Variants in TAF2 observed in about 807,000 individuals in gnomAD.
The protein encoded by TAF2 is TATA-box binding protein associated factor 2.
In TAF2, 61 loss-of-function variants were observed where a neutral mutation model predicts 138.5. That is an observed-to-expected ratio of 0.44 (90% CI 0.36 to 0.54). TAF2 has a LOEUF of 0.54. Among genes scored for constraint, TAF2 ranks in the 20% least tolerant of loss-of-function variants. The pLI, the probability that TAF2 is intolerant of heterozygous loss-of-function variation, is 0.00. For missense variants in TAF2, 1,090 were observed against 1,427.9 expected (o/e 0.76, Z 3.81); for synonymous variants, 475 against 469.9 (o/e 1.01, Z -0.14).
intron 4 of TAF2, among the ~76,000 whole-genome samples, chr8:119,804,826 T>C (rs187276972): frequency 1.3e-5 from 2 of 152,242 alleles, no homozygotes; most frequent in Non-Finnish European, 2.9e-5. Context: ...GGATGAGAGG[T>C]AGAGTAGGGA....
chr8:119,738,192 G>C (rs1819361869), intron 25 of TAF2, among the ~76,000 whole-genome samples: 1 of 150,606 alleles, frequency 6.6e-6, no homozygotes, highest in Non-Finnish European at 1.5e-5. Context: ...TGTATGTTTT[G>C]CTTATTATCT....
chr8:119,780,760 C>A (rs1488783840), intron 17 of TAF2, among the ~76,000 whole-genome samples: 1 of 151,788 alleles, frequency 6.6e-6, no homozygotes, highest in African/African-American at 2.4e-5. Context: ...ACGGTGAAAC[C>A]CCATCTCTAC....
At chr8:119,811,785 G>T (rs1357181708) in intron 3 of TAF2, among the ~76,000 whole-genome samples, 1 of 113,758 alleles carries the variant, frequency 8.8e-6, no homozygotes. Flanking sequence ...CAGCTTGGGC[G>T]AAAGAGTGAG....
intron 2 of TAF2, among the ~76,000 whole-genome samples, chr8:119,826,949 T>G (rs975598952): frequency 5.3e-5 from 8 of 152,150 alleles, no homozygotes; most frequent in African/African-American, 1.9e-4. Context: ...TCCTAGCACT[T>G]TGGAAAGCCA....
At chr8:119,749,135 T>C (rs1249545515) in intron 22 of TAF2, among the ~76,000 whole-genome samples, 1 of 152,212 alleles carries the variant, frequency 6.6e-6, no homozygotes, top group Non-Finnish European at 1.5e-5. Flanking sequence ...AAATTGAGTA[T>C]GTGTATTTTG....
At chr8:119,823,692 A>C (rs1825926918) in intron 2 of TAF2, among the ~76,000 whole-genome samples, 1 of 152,218 alleles carries the variant, frequency 6.6e-6, no homozygotes, top group Non-Finnish European at 1.5e-5. Flanking sequence ...TGCTGATAAA[A>C]AGTTACCTGA....
intron 2 of TAF2, among the ~76,000 whole-genome samples, chr8:119,820,521 T>C (rs931467570): frequency 7.4e-4 from 112 of 152,222 alleles, no homozygotes; most frequent in African/African-American, 2.6e-3. Context: ...AATACTACTG[T>C]ACAGTATTAA....
intron 18 of TAF2, among the ~76,000 whole-genome samples, chr8:119,776,449 G>A (rs1264769421): frequency 1.3e-5 from 2 of 150,094 alleles, no homozygotes; most frequent in African/African-American, 4.9e-5. Flanking sequence ...TTGAAAGGCC[G>A]AGACGGGCGG....
intron 18 of TAF2, among the ~76,000 whole-genome samples, chr8:119,775,014 C>T (rs1043137692): frequency 6.6e-6 from 1 of 151,908 alleles, no homozygotes; most frequent in East Asian, 1.9e-4. Flanking sequence ...GGCGTGGTGG[C>T]TCACACCTGT....
At chr8:119,747,023 T>C in intron 22 of TAF2, 89 bp from the exon 23 acceptor site, 2 of 1,362,612 alleles carry the variant, frequency 1.5e-6, no homozygotes, top group Non-Finnish European at 2.0e-6. Flanking sequence ...AAAAGGAACT[T>C]TATAACTGGA....
chr8:119,786,688 G>A (rs148676356), intron 14 of TAF2, among the ~76,000 whole-genome samples: 2,533 of 152,182 alleles, frequency 0.017, 30 homozygotes, highest in Middle Eastern at 0.092. Context: ...TTGGGGGGCC[G>A]AGGTGGGCAG....
chr8:119,795,534 C>T lies in TAF2; in HGVS notation c.1189G>A (p.Glu397Lys). 17 of 1,612,794 alleles carry T rather than the reference C, an allele frequency of 1.1e-5. No homozygotes were observed. Among genetic ancestry groups the T allele is most frequent in the Non-Finnish European group, 1.4e-5 (17 of 1,178,948 alleles). ...ATAAGGGATCTAGCTGTTATTACCT[C>T]TTTAATCCAATGGCGGTACTCATTA... ...GVNEYRHWIK[E>K]ELDKIVAYEL... Residue 397 changes from glutamate to lysine, a missense_variant and splice_region_variant, in exon 9 of 26, where the codon GAG (glutamate) becomes AAG (lysine). By Grantham distance (56) the Glu-to-Lys change is moderately conservative (BLOSUM62 1). This residue lies in a region of TAF2 where 504 missense variants were observed against 680.9 expected (regional missense o/e 0.74). Transcript: ENST00000378164.
At chr8:119,824,491 G>T (rs916003417) in intron 2 of TAF2, among the ~76,000 whole-genome samples, 1 of 151,940 alleles carries the variant, frequency 6.6e-6, no homozygotes, top group East Asian at 1.9e-4. Flanking sequence ...GCTGGCTACA[G>T]AAATTTGCAT....
chr8:119,762,624 A>G lies in TAF2; in HGVS notation c.2365-16T>C. The G allele has an allele frequency of 6.2e-7, 1 of 1,606,396 alleles. No homozygotes were observed. The highest frequency in any genetic ancestry group is 8.5e-7 in the Non-Finnish European group (1 of 1,175,596). On this transcript the variant is annotated splice_polypyrimidine_tract_variant and intron_variant, in intron 18 of 25. Coordinates refer to ENST00000378164, the MANE Select transcript of TAF2 (RefSeq NM_003184.4). Reference sequence around the variant, plus strand: ...TATCTGAAAACTAGGCCAAAGAAAAATTAAGTGAAGATAACAAAATTAACT... The same window carrying G: ...TATCTGAAAACTAGGCCAAAGAAAAGTTAAGTGAAGATAACAAAATTAACT...
intron 17 of TAF2, among the ~76,000 whole-genome samples, 199 bp from the exon 18 acceptor site, chr8:119,778,328 A>C (rs1043994108): frequency 1.3e-5 from 2 of 152,202 alleles, no homozygotes; most frequent in African/African-American, 4.8e-5. Context: ...CTGGGCAGGA[A>C]ACTAAGGGAA....
At chr8:119,775,653 A>T (rs1822176324) in intron 18 of TAF2, among the ~76,000 whole-genome samples, 1 of 152,116 alleles carries the variant, frequency 6.6e-6, no homozygotes, top group African/African-American at 2.4e-5. Flanking sequence ...CAGTGCACCG[A>T]GATCACGCCA....
chr8:119,814,619 T>C (rs1465288067), intron 3 of TAF2, among the ~76,000 whole-genome samples: 2 of 151,294 alleles, frequency 1.3e-5, no homozygotes, highest in African/African-American at 4.9e-5. Context: ...CTCGGCTGGA[T>C]GTGGTGGCTC....
At chr8:119,774,789 T>G (rs903353776) in intron 18 of TAF2, among the ~76,000 whole-genome samples, 1 of 152,170 alleles carries the variant, frequency 6.6e-6, no homozygotes, top group African/African-American at 2.4e-5. Context: ...CTTGTAGTTA[T>G]AGTGTTCCAT....
intron 6 of TAF2, among the ~76,000 whole-genome samples, chr8:119,799,996 G>A (rs1284789279): frequency 6.6e-6 from 1 of 152,090 alleles, no homozygotes; most frequent in African/African-American, 2.4e-5. Flanking sequence ...TTTTGATGGG[G>A]TTGTTTTTTT....
Sources: gnomAD v4.1 joint callset for allele counts (sites outside exome capture counted in the v4.1 genomes callset) on GRCh38, gnomAD v4.1.1 for gene constraint, gnomAD v4.1.1 regional missense constraint, MANE v1.5 for transcripts, NCBI Gene and HGNC (gene_info 2026-07-23, HGNC 2026-07-21) for gene names.